The following FBXO46 variants were observed in gnomAD, a reference collection of about 807,000 sequenced individuals.
FBXO46 encodes F-box protein 46, also known as F-box only protein 46.
Under a neutral mutation model 30.7 loss-of-function variants are expected in FBXO46, and 13 were observed. That is an observed-to-expected ratio of 0.42 (90% CI 0.28 to 0.67). The LOEUF (loss-of-function observed/expected upper bound fraction) is 0.67, where lower values mean the gene tolerates loss of function less well. FBXO46 is among the 30% of genes least tolerant of loss of function. The pLI is 0.21. For missense variants in FBXO46, 754 were observed against 871.5 expected (o/e 0.87, Z 1.70); for synonymous variants, 467 against 385.8 (o/e 1.21, Z -2.47).
At chr19:45,720,010 GT>G (rs1020847405) in intron 1 of FBXO46, among the ~76,000 whole-genome samples, 1 of 152,076 alleles carries the variant, frequency 6.6e-6, no homozygotes, top group African/African-American at 2.4e-5. Flanking sequence ...TGTGTGTTTT[GT>G]TTTTTGTTGT....
rs369148502 is a variant in FBXO46, at chr19:45,713,530, C to T, written c.-35G>A. The T allele has an allele frequency of 4.1e-5, 62 of 1,505,926 alleles. No homozygotes were observed. Among genetic ancestry groups the T allele is most frequent in the Admixed American group, 6.3e-5 (3 of 47,558 alleles). 93.3% of individuals were successfully genotyped at this position (1,505,926 alleles called of 1,614,324 possible). A position where few individuals can be genotyped will look rare whatever the true frequency, so the allele number is the denominator to read the frequency against. ...TGATGGCAGACAGGCTGGGCTTCAG[C>T]GCATCTCAGGACCTAGGTGGTGGTG... On this transcript the variant is annotated 5_prime_UTR_variant, in exon 2 of 2. Coordinates refer to ENST00000317683, the MANE Select transcript of FBXO46 (RefSeq NM_001080469.2). This position sits in a 1 kb window ranked among gnomAD's most constrained non-coding sequence, Gnocchi z 4.7.
intron 1 of FBXO46, among the ~76,000 whole-genome samples, chr19:45,718,690 T>C (rs960779931): frequency 6.6e-6 from 1 of 151,754 alleles, no homozygotes; most frequent in African/African-American, 2.4e-5. Context: ...GACCTCTGGG[T>C]TCCCTCTTCC....
Position 45,712,995 on chromosome 19 carries a change from C to T in FBXO46, c.501G>A (p.Val167=), listed in dbSNP as rs1442316659. The part of the protein sequence containing the change: ...EEGPASAGED[V]DLLSVAEMVA... ...CCATCTCGGCCACAGAGAGCAGGTCCACGTCCTCACCGGCTGAGGCGGGGC... is the reference window on the plus strand; with the variant it reads ...CCATCTCGGCCACAGAGAGCAGGTCTACGTCCTCACCGGCTGAGGCGGGGC... The change falls in exon 2 of 2, where the codon GTG becomes GTA. Residue 167 remains valine (V), a synonymous_variant. Coordinates refer to ENST00000317683, the MANE Select transcript of FBXO46 (RefSeq NM_001080469.2). The surrounding 1 kb of genome is among the most constrained non-coding windows in gnomAD (Gnocchi z 8.8). The T allele has an allele frequency of 6.4e-7, 1 of 1,566,960 alleles. No homozygotes were observed.
rs1159892803 is a variant in FBXO46 at position 45,711,456 on chromosome 19, A to AT, written c.*227_*228insA. On this transcript the variant is annotated 3_prime_UTR_variant, in exon 2 of 2. Transcript: ENST00000317683. ...TGAGATGCTGATAAAAAAAAAAAAA[A>AT]CACCCTTCTCAGAGGGTCCACGGCC... The AT allele has an allele frequency of 1.5e-6, 1 of 673,038 alleles. No homozygotes were observed. Among genetic ancestry groups the AT allele is most frequent in the Non-Finnish European group, 2.7e-6 (1 of 372,930 alleles). 41.7% of individuals were successfully genotyped at this position (673,038 alleles called of 1,614,324 possible).
upstream of FBXO46, among the ~76,000 whole-genome samples, chr19:45,731,317 C>CT (rs58872737): frequency 0.03 from 3,891 of 130,010 alleles, 166 homozygotes; most frequent in African/African-American, 0.095. Context: ...CCATCCCCTT[C>CT]TTTTTTTTTT....
rs1160290903 is a variant in FBXO46 at position 45,712,536 on chromosome 19, G to A, written c.960C>T (p.Pro320=). 2 of 1,600,364 alleles carry A rather than the reference G, an allele frequency of 1.2e-6. No individual in the cohort carries two copies. Among genetic ancestry groups the A allele is most frequent in the Non-Finnish European group, 1.7e-6 (2 of 1,172,392 alleles). ...TGGCCAGCAGGAACTCCACGTTGCT[G>A]GGGAGGGCATCCCGCGAGGGGCTGA... ...QLISPSRDAL[P]SNVEFLLARA... Residue 320 remains proline (P), a synonymous_variant, in exon 2 of 2, where the codon CCC becomes CCT. Transcript: ENST00000317683. This position sits in a 1 kb window ranked among gnomAD's most constrained non-coding sequence, Gnocchi z 8.8.
Position 45,713,451 on chromosome 19 carries a change from C to A in FBXO46, c.45G>T (p.Arg15=). ...GGTTCTGTGAGTAGGTGCCAAAGGG[C>A]CGGGGGCACCATAGCTGGAAGGGCA... ...SLLPFQLWCP[R]PFGTYSQNQP... is the part of the protein sequence containing the mutation. Residue 15 remains arginine, a synonymous_variant, in exon 2 of 2, where the codon CGG becomes CGT. Coordinates refer to ENST00000317683, the MANE Select transcript of FBXO46 (RefSeq NM_001080469.2). The surrounding 1 kb of genome is among the most constrained non-coding windows in gnomAD (Gnocchi z 4.7). The A allele has an allele frequency of 6.3e-7, 1 of 1,592,452 alleles. No individual in the cohort carries two copies. The highest frequency in any genetic ancestry group is 1.1e-5 in the South Asian group (1 of 89,550).
At chr19:45,730,562 C>T (rs1321158518) in intron 1 of FBXO46, among the ~76,000 whole-genome samples, 1 of 152,074 alleles carries the variant, frequency 6.6e-6, no homozygotes, top group Admixed American at 6.6e-5. Context: ...CCTTCAGGGC[C>T]TCTACCTGGA....
intron 1 of FBXO46, chr19:45,716,751 C>T (rs976008395): frequency 1.3e-5 from 2 of 152,048 alleles, no homozygotes; most frequent in African/African-American, 4.8e-5. Context: ...CAGACATGTG[C>T]TTACTGCACG....
intron 1 of FBXO46, among the ~76,000 whole-genome samples, chr19:45,719,410 A>G (rs1000595961): frequency 6.6e-6 from 1 of 152,196 alleles, no homozygotes; most frequent in Non-Finnish European, 1.5e-5. Flanking sequence ...TTCTCAACAT[A>G]CATGATCCAA....
In FBXO46 at chr19:45,713,962, C is replaced by A. The variant is rs1968046016; in HGVS notation, c.-78-389G>T. 7.7e-6 allele frequency among the ~76,000 whole-genome samples: 1 copy of A among 129,772 alleles called. No individual in the cohort carries two copies. The allele number at this position is 129,772 out of a possible 152,430, so 85.1% of individuals were successfully genotyped here. A position where few individuals can be genotyped will look rare whatever the true frequency, so the allele number is the denominator to read the frequency against. On this transcript the variant is annotated intron_variant, in intron 1 of 1. Transcript: ENST00000317683. The surrounding 1 kb of genome is among the most constrained non-coding windows in gnomAD (Gnocchi z 4.7). ...CAGCCTGGGCGACAAGAGCGAAACT[C>A]CGTCTCAAAAAAAAAAAAAAAAAAA...
Position 45,712,223 on chromosome 19 carries a change from C to T in FBXO46, c.1273G>A (p.Ala425Thr), listed in dbSNP as rs1352022399. 2.5e-6 allele frequency: 4 copies of T among 1,605,140 alleles called. No homozygotes were observed. Among genetic ancestry groups the T allele is most frequent in the Non-Finnish European group, 3.4e-6 (4 of 1,177,582 alleles). Residue 425 changes from alanine to threonine, a missense_variant, in exon 2 of 2, where the codon GCC becomes ACC. Ala to Thr is a moderately conservative substitution (Grantham distance 58). Coordinates refer to ENST00000317683, the MANE Select transcript of FBXO46 (RefSeq NM_001080469.2). This position sits in a 1 kb window ranked among gnomAD's most constrained non-coding sequence, Gnocchi z 8.8. ...CCGGGCGCAGTGGCCGGGGAGTCGG[C>T]CGGGGGTGGCTCCGGGGGCCCGTCC... ...GPDGPPEPPP[A>T]DSPATAPGPD... is the part of the protein sequence containing the mutation.
chr19:45,722,796 C>A (rs1278275512), intron 1 of FBXO46, among the ~76,000 whole-genome samples: 1 of 150,160 alleles, frequency 6.7e-6, no homozygotes, highest in African/African-American at 2.4e-5. Flanking sequence ...TGTGATGACT[C>A]ATGCTTGTAA....
At chr19:45,716,867 G>A (rs1968097458) in intron 1 of FBXO46, 1 of 152,160 alleles carries the variant, frequency 6.6e-6, no homozygotes, top group South Asian at 2.1e-4. Context: ...ATGAGACACA[G>A]GTGAAATCTC....
chr19:45,712,415 C>A lies in FBXO46; in HGVS notation c.1081G>T (p.Ala361Ser). 1.2e-6 allele frequency: 2 copies of A among 1,609,500 alleles called. No homozygotes were observed. The highest frequency in any genetic ancestry group is 1.7e-6 in the Non-Finnish European group (2 of 1,179,704). ...PPPPPARDCG[A>S]SGFHVDVVVT... ...ACCACGTCCACGTGGAAGCCTGACGCTCCGCAGTCCCGGGCAGGGGGCGGA... is the reference window on the plus strand; with the variant it reads ...ACCACGTCCACGTGGAAGCCTGACGATCCGCAGTCCCGGGCAGGGGGCGGA... The change falls in exon 2 of 2, where the codon GCG (alanine) becomes TCG (serine). Residue 361 changes from alanine to serine, a missense_variant. Physicochemically the swap from Ala to Ser is moderately conservative, Grantham distance 99. Coordinates refer to ENST00000317683, the MANE Select transcript of FBXO46 (RefSeq NM_001080469.2). The surrounding 1 kb of genome is among the most constrained non-coding windows in gnomAD (Gnocchi z 8.8).
chr19:45,733,105 C>A (rs146107558), upstream of FBXO46: 2 of 152,220 alleles, frequency 1.3e-5, no homozygotes, highest in South Asian at 4.1e-4. This position sits in a 1 kb window ranked among gnomAD's most constrained non-coding sequence, Gnocchi z 5.7. Context: ...GGGACACAGG[C>A]GAGCTCGCTC....
intron 1 of FBXO46, among the ~76,000 whole-genome samples, chr19:45,728,840 TAA>T (rs1286924442): frequency 6.6e-6 from 1 of 151,636 alleles, no homozygotes; most frequent in Non-Finnish European, 1.5e-5. Flanking sequence ...ACCCTGTCTT[TAA>T]AAAAATAAAA....
chr19:45,722,210 T>C (rs1180635378), intron 1 of FBXO46, among the ~76,000 whole-genome samples: 2 of 152,166 alleles, frequency 1.3e-5, no homozygotes, highest in Non-Finnish European at 2.9e-5. Context: ...TAGAGTCCAC[T>C]GGGTCCCCTC....
At chr19:45,728,248 A>G (rs1968264531) in intron 1 of FBXO46, among the ~76,000 whole-genome samples, 1 of 152,106 alleles carries the variant, frequency 6.6e-6, no homozygotes, top group Non-Finnish European at 1.5e-5. Context: ...TTGTAAGCAC[A>G]CTCTCCAGAA....
Sources: allele counts gnomAD v4.1 joint callset (sites outside exome capture counted in the v4.1 genomes callset), GRCh38; gene constraint gnomAD v4.1.1; non-coding constraint Gnocchi (gnomAD v3.1); transcripts MANE v1.5; gene names NCBI Gene and HGNC (gene_info 2026-07-23, HGNC 2026-07-21).